The following TACC1 variants were observed in gnomAD, a reference collection of about 807,000 sequenced individuals.
TACC1 encodes transforming acidic coiled-coil containing protein 1, also known as transforming acidic coiled-coil-containing protein 1.
TACC1 carries 48 observed loss-of-function variants against 84.4 expected under a neutral mutation model. The observed-to-expected ratio is 0.57, with a 90% CI of 0.45 to 0.72. The LOEUF (loss-of-function observed/expected upper bound fraction) is 0.72. Ranked by LOEUF, TACC1 falls within the 30% of genes least tolerant of loss-of-function variation. The pLI is 0.00. For missense variants in TACC1, 920 were observed against 973.0 expected (o/e 0.95, Z 0.72); for synonymous variants, 372 against 376.3 (o/e 0.99, Z 0.13).
upstream of TACC1, among the ~76,000 whole-genome samples, chr8:38,786,691 C>T (rs1010954604): frequency 6.6e-6 from 1 of 152,050 alleles, no homozygotes; most frequent in Non-Finnish European, 1.5e-5. Context: ...TTCCAGTCCT[C>T]GGTCACTCTT....
At chr8:38,821,422 A>G (rs938136602) in intron 3 of TACC1, among the ~76,000 whole-genome samples, 2 of 152,216 alleles carry the variant, frequency 1.3e-5, no homozygotes, top group East Asian at 3.9e-4. Flanking sequence ...TAGAAAGAAG[A>G]CTTTTTACAT....
At chr8:38,792,168 G>C (rs1235898472) in intron 2 of TACC1, among the ~76,000 whole-genome samples, 1 of 152,218 alleles carries the variant, frequency 6.6e-6, no homozygotes, top group Admixed American at 6.5e-5. Flanking sequence ...TTTGCTATCT[G>C]TCTGTTTTCT....
intron 2 of TACC1, among the ~76,000 whole-genome samples, chr8:38,794,574 G>A (rs1179634405): frequency 2.0e-5 from 3 of 152,178 alleles, no homozygotes; most frequent in Admixed American, 1.3e-4. Context: ...GTGTGTGTGT[G>A]TGTGTGCGTG....
intron 2 of TACC1, among the ~76,000 whole-genome samples, chr8:38,796,285 C>T (rs756214890): frequency 2.0e-5 from 3 of 152,156 alleles, no homozygotes; most frequent in Non-Finnish European, 4.4e-5. Context: ...ATTGCAGATC[C>T]AGAGCTCTTT....
At chr8:38,819,005 T>G (rs747275921) in intron 2 of TACC1, among the ~76,000 whole-genome samples, 10 of 152,180 alleles carry the variant, frequency 6.6e-5, no homozygotes, top group Non-Finnish European at 1.5e-4. Context: ...CTCAATCTCT[T>G]GACCTCATGA....
At position 38,831,133 on chromosome 8, in the gene TACC1, A is replaced by C; in HGVS notation, c.1669A>C (p.Lys557Gln). Reference protein sequence around the residue: ...AFSSSEAGIEKETCQKMEEDG... With the variant: ...AFSSSEAGIEQETCQKMEEDG... ...ATGACTTTCTGTCTTAGGCATAGAGAAGGAGACGTGCCAGAAGATGGAAGA... is the reference window on the plus strand; with the variant it reads ...ATGACTTTCTGTCTTAGGCATAGAGCAGGAGACGTGCCAGAAGATGGAAGA... Residue 557 changes from lysine to glutamine, a missense_variant, in exon 6 of 13, where the codon AAG (lysine) becomes CAG (glutamine). Lys to Gln is a moderately conservative substitution (Grantham distance 53). This residue lies in a region of TACC1 where 762 missense variants were observed against 747.3 expected (regional missense o/e 1.02). Coordinates refer to ENST00000317827, the MANE Select transcript of TACC1 (RefSeq NM_006283.3). The C allele has an allele frequency of 2.5e-6, 4 of 1,614,210 alleles. No homozygotes were observed. The highest frequency in any genetic ancestry group is 3.4e-6 in the Non-Finnish European group (4 of 1,180,006).
chr8:38,786,406 T>C (rs1315519697), upstream of TACC1, among the ~76,000 whole-genome samples: 2 of 152,046 alleles, frequency 1.3e-5, no homozygotes, highest in Non-Finnish European at 2.9e-5. Context: ...AAAGAAAATC[T>C]CAAAAAGGAG....
chr8:38,778,273 A>ATT (rs1200433561), intron 3 of TACC1, among the ~76,000 whole-genome samples: 2 of 65,864 alleles, frequency 3.0e-5, no homozygotes, highest in Non-Finnish European at 5.3e-5. Context: ...AATAATTAAA[A>ATT]TTGTGTGTGT....
intron 11 of TACC1, chr8:38,846,116 T>C (rs1563991731): frequency 6.6e-6 from 1 of 150,408 alleles, no homozygotes; most frequent in African/African-American, 2.4e-5. Flanking sequence ...CCGTCTCTAC[T>C]AAAAATAAAA....
intron 6 of TACC1, among the ~76,000 whole-genome samples, chr8:38,834,862 C>T (rs553626597): frequency 2.0e-5 from 3 of 152,312 alleles, no homozygotes; most frequent in South Asian, 4.1e-4. Flanking sequence ...TAATCAGTAA[C>T]TAATTGATTA....
chr8:38,768,683 CAGAG>C (rs200710117), intron 3 of TACC1, among the ~76,000 whole-genome samples: 2,087 of 149,774 alleles, frequency 0.014, 51 homozygotes, highest in African/African-American at 0.042. Context: ...GTGTGTCAGA[CAGAG>C]AGAGACTTTG....
chr8:38,800,203 C>T (rs780103670), intron 2 of TACC1, among the ~76,000 whole-genome samples: 8 of 152,230 alleles, frequency 5.3e-5, no homozygotes, highest in Non-Finnish European at 5.9e-5. Flanking sequence ...ATTCCTCCTG[C>T]TCCATTTCCC....
intron 2 of TACC1, among the ~76,000 whole-genome samples, chr8:38,791,961 A>G (rs1818772057): frequency 6.6e-6 from 1 of 152,212 alleles, no homozygotes; most frequent in African/African-American, 2.4e-5. Context: ...TGCTTTAGGA[A>G]CTTGCAGTAT....
In TACC1 at chr8:38,848,167, C is replaced by G; in HGVS notation, c.*144C>G. 1.4e-6 allele frequency: 1 copy of G among 700,384 alleles called. No homozygotes were observed. The highest frequency in any genetic ancestry group is 2.3e-6 in the Non-Finnish European group (1 of 428,066). The allele number at this position is 700,384 out of a possible 1,614,324, so 43.4% of individuals were successfully genotyped here. ...AGCACATGCCTACTGCTGCCTGTCC[C>G]GCTTTGCTGCCAATGCAACAGCCCT... On this transcript the variant is annotated 3_prime_UTR_variant, in exon 13 of 13. Coordinates refer to ENST00000317827, the MANE Select transcript of TACC1 (RefSeq NM_006283.3).
At chr8:38,746,660 G>A (rs544021412) in intron 3 of TACC1, among the ~76,000 whole-genome samples, 10 of 152,054 alleles carry the variant, frequency 6.6e-5, no homozygotes, top group Non-Finnish European at 1.3e-4. Context: ...CCACTTGGCT[G>A]TTAACTCCAT....
intron 7 of TACC1, 132 bp downstream of exon 7, chr8:38,836,419 G>A: frequency 7.9e-7 from 1 of 1,259,160 alleles, no homozygotes; most frequent in South Asian, 1.4e-5. Context: ...AGCTTGTTTA[G>A]GTCGTAAAAG....
intron 5 of TACC1, 95 bp from the exon 6 acceptor site, chr8:38,831,030 C>T (rs552549361): frequency 2.3e-5 from 25 of 1,067,826 alleles, no homozygotes; most frequent in Middle Eastern, 2.1e-4. Context: ...GTTCATAAGT[C>T]ATTCTCGCCT....
At chr8:38,810,844 T>C (rs1056210294) in intron 2 of TACC1, among the ~76,000 whole-genome samples, 1 of 152,104 alleles carries the variant, frequency 6.6e-6, no homozygotes, top group Admixed American at 6.5e-5. Context: ...AGGCCAGGCA[T>C]GGTGGCTCAC....
In TACC1 at chr8:38,789,003, T is replaced by C. The variant is rs186578698; in HGVS notation, c.277+184T>C. ...GGTGATCGAGGCTTTCTCCTCTGAGTAGAGTTTGTGCATTTGCAGTATAAG... is the reference window on the plus strand; with the variant it reads ...GGTGATCGAGGCTTTCTCCTCTGAGCAGAGTTTGTGCATTTGCAGTATAAG... On this transcript the variant is annotated intron_variant, in intron 2 of 12. Transcript: ENST00000317827. Among the ~76,000 whole-genome samples, 104 of 152,296 alleles carry C rather than the reference T, an allele frequency of 6.8e-4. 1 individual carries two copies. Among genetic ancestry groups the C allele is most frequent in the Admixed American group, 6.6e-3 (101 of 15,298 alleles).
Sources: gnomAD v4.1 joint callset for allele counts (sites outside exome capture counted in the v4.1 genomes callset) on GRCh38, gnomAD v4.1.1 for gene constraint, gnomAD v4.1.1 regional missense constraint, MANE v1.5 for transcripts, NCBI Gene and HGNC (gene_info 2026-07-23, HGNC 2026-07-21) for gene names.